Variants in SGMS1 observed in about 807,000 individuals in gnomAD.
SGMS1 encodes the protein phosphatidylcholine:ceramide cholinephosphotransferase 1.
Under a neutral mutation model 46.2 loss-of-function variants are expected in SGMS1, and 13 were observed. The ratio of observed to expected loss-of-function variants is 0.28; its 90% CI spans 0.18 to 0.45. SGMS1 has a LOEUF of 0.45. Ranked by LOEUF, SGMS1 falls within the 20% of genes least tolerant of loss-of-function variation. The pLI is 1.00. For synonymous variants in SGMS1, 203 were observed against 187.8 expected (o/e 1.08, Z -0.66); for missense variants, 324 against 519.9 (o/e 0.62, Z 3.66).
intron 6 of SGMS1, among the ~76,000 whole-genome samples, chr10:50,401,913 CCTTA>C (rs1589424979): frequency 1.3e-5 from 2 of 152,212 alleles, no homozygotes; most frequent in East Asian, 1.9e-4. Context: ...ATTTCTGTCA[CCTTA>C]CTTAGTCACC....
chr10:50,510,239 G>A (rs74999843), intron 3 of SGMS1, among the ~76,000 whole-genome samples: 79 of 152,230 alleles, frequency 5.2e-4, no homozygotes, highest in African/African-American at 1.9e-3. Flanking sequence ...TCTTATTGAT[G>A]AACAGTATTC....
In SGMS1 at chr10:50,503,363, C is replaced by A. The variant is rs1488688378; in HGVS notation, c.-498+16468G>T. ...TTCCTGTCAGGCCTCTGAGCCCAAG[C>A]TAAGCCATCATATCCCCTGTGACCC... On this transcript the variant is annotated intron_variant, in intron 3 of 10. Transcript: ENST00000361781. Among the ~76,000 whole-genome samples, 5 of 152,292 alleles carry A rather than the reference C, an allele frequency of 3.3e-5. No homozygotes were observed. The East Asian group carries it at 9.7e-4, about 29-fold the overall frequency.
intron 1 of SGMS1, among the ~76,000 whole-genome samples, chr10:50,610,434 A>T (rs1838738911): frequency 6.6e-6 from 1 of 152,172 alleles, no homozygotes; most frequent in South Asian, 2.1e-4. Context: ...AAACCCATCC[A>T]GGGACCCCCA....
At chr10:50,559,202 C>T (rs998277596) in intron 2 of SGMS1, among the ~76,000 whole-genome samples, 1 of 152,106 alleles carries the variant, frequency 6.6e-6, no homozygotes, top group Non-Finnish European at 1.5e-5. Context: ...GTTACACAAG[C>T]CCCCCAAAAT....
At chr10:50,435,300 G>A (rs577657090) in intron 5 of SGMS1, among the ~76,000 whole-genome samples, 1 of 152,184 alleles carries the variant, frequency 6.6e-6, no homozygotes, top group African/African-American at 2.4e-5. Context: ...TATATGCACT[G>A]TGTCCATCAT....
At chr10:50,487,748 T>C (rs1322759068) in intron 3 of SGMS1, among the ~76,000 whole-genome samples, 1 of 152,152 alleles carries the variant, frequency 6.6e-6, no homozygotes, top group East Asian at 1.9e-4. Flanking sequence ...TCACTTCCAT[T>C]TTTTGAGAGA....
chr10:50,618,939 C>T (rs532854925), intron 1 of SGMS1, among the ~76,000 whole-genome samples: 2 of 152,202 alleles, frequency 1.3e-5, no homozygotes, highest in African/African-American at 4.8e-5. Flanking sequence ...GCCGATGCTG[C>T]CAGGTGTGGA....
rs142092412 is a variant in SGMS1, at chr10:50,498,748, T to C, written c.-498+21083A>G. 4.6e-3 allele frequency among the ~76,000 whole-genome samples: 699 copies of C among 152,354 alleles called. 1 individual carries two copies. The highest frequency in any genetic ancestry group is 6.9e-3 in the Non-Finnish European group (468 of 68,028). On this transcript the variant is annotated intron_variant, in intron 3 of 10. Transcript: ENST00000361781. ...TTAGGTTGTTTCCTCTCCTTGGTTA[T>C]TATGAATAATGCTGCTATAAACCGG...
intron 6 of SGMS1, among the ~76,000 whole-genome samples, chr10:50,350,169 C>T (rs1847982713): frequency 2.0e-5 from 3 of 152,174 alleles, no homozygotes; most frequent in African/African-American, 4.8e-5. Context: ...TGTTATGTTT[C>T]AGCAAAGAGA....
At chr10:50,448,742 CAAAAA>C (rs35580756) in intron 5 of SGMS1, among the ~76,000 whole-genome samples, 1 of 58,736 alleles carries the variant, frequency 1.7e-5, no homozygotes. Context: ...GAAACTCCGC[CAAAAA>C]AAAAAAAAAA....
chr10:50,590,699 A>C (rs551293612), intron 1 of SGMS1: 17 of 152,332 alleles, frequency 1.1e-4, no homozygotes, highest in African/African-American at 4.1e-4. Flanking sequence ...AAATTCTAAA[A>C]GAGCCTTACA....
intron 1 of SGMS1, among the ~76,000 whole-genome samples, chr10:50,603,968 G>T (rs1466101625): frequency 6.6e-6 from 1 of 152,108 alleles, no homozygotes; most frequent in Non-Finnish European, 1.5e-5. Flanking sequence ...ATTCTAGTAG[G>T]AGTTACATTA....
At chr10:50,473,520 C>A (rs1273474438) in intron 3 of SGMS1, among the ~76,000 whole-genome samples, 1 of 152,126 alleles carries the variant, frequency 6.6e-6, no homozygotes, top group Non-Finnish European at 1.5e-5. Context: ...AGTCTCAAAA[C>A]CTGTCTCTGT....
chr10:50,305,832 C>T lies in SGMS1; in HGVS notation c.*1310G>A, dbSNP rs989823745. On this transcript the variant is annotated 3_prime_UTR_variant, in exon 11 of 11. Coordinates refer to ENST00000361781, the MANE Select transcript of SGMS1 (RefSeq NM_147156.4). ...AGATAATTCTGCTGCACGTAAAATACAGAATGGATATATATACTTCTTCAT... is the reference window on the plus strand; with the variant it reads ...AGATAATTCTGCTGCACGTAAAATATAGAATGGATATATATACTTCTTCAT... The T allele has an allele frequency of 2.6e-5, 4 of 152,670 alleles. No homozygotes were observed. The highest frequency in any genetic ancestry group is 7.2e-5 in the African/African-American group (3 of 41,450). The allele number at this position is 152,670 out of a possible 1,614,324, so 9.5% of individuals were successfully genotyped here. A position where few individuals can be genotyped will look rare whatever the true frequency, so the allele number is the denominator to read the frequency against.
chr10:50,623,658 G>A (rs1020650014), intron 1 of SGMS1, 49 bp downstream of exon 1: 1 of 985,322 alleles, frequency 1.0e-6, no homozygotes, highest in Non-Finnish European at 1.2e-6. Flanking sequence ...GTGTCCGATC[G>A]GCCCCCGCAA....
intron 5 of SGMS1, among the ~76,000 whole-genome samples, chr10:50,434,190 T>G (rs960732040): frequency 2.6e-5 from 4 of 152,212 alleles, no homozygotes; most frequent in Admixed American, 6.5e-5. Flanking sequence ...AAGAAGTCAT[T>G]CAGAACAATG....
At chr10:50,344,403 C>A in intron 6 of SGMS1, 58 bp from the exon 7 acceptor site, 1 of 367,560 alleles carries the variant, frequency 2.7e-6, no homozygotes, top group Non-Finnish European at 4.9e-6. Flanking sequence ...CCTCTCAAAA[C>A]GCAAAGCCTT....
intron 6 of SGMS1, among the ~76,000 whole-genome samples, chr10:50,361,682 C>T (rs1848251613): frequency 6.6e-6 from 1 of 152,166 alleles, no homozygotes; most frequent in Non-Finnish European, 1.5e-5. Context: ...TCCCTTTTCC[C>T]TATTCCCATT....
intron 4 of SGMS1, among the ~76,000 whole-genome samples, chr10:50,462,213 T>C (rs190578982): frequency 2.4e-4 from 37 of 152,158 alleles, no homozygotes; most frequent in African/African-American, 8.7e-4. Flanking sequence ...AGTGAGCTGA[T>C]TGTGTCACTG....
Sources: allele counts gnomAD v4.1 joint callset (sites outside exome capture counted in the v4.1 genomes callset), GRCh38; gene constraint gnomAD v4.1.1; transcripts MANE v1.5; gene names NCBI Gene and HGNC (gene_info 2026-07-23, HGNC 2026-07-21).